The following CCDC93 variants were observed in gnomAD, a reference collection of about 807,000 sequenced individuals.
CCDC93 encodes the protein coiled-coil domain-containing protein 93.
A neutral mutation model predicts 108.2 loss-of-function variants in CCDC93; 61 were observed. The observed-to-expected ratio is 0.56, with a 90% CI of 0.46 to 0.70. CCDC93 has a LOEUF of 0.70. CCDC93 is among the 30% of genes least tolerant of loss of function. CCDC93 has a pLI of 0.00. For missense variants in CCDC93, 685 were observed against 764.2 expected, an observed-to-expected ratio of 0.90 and a Z score of 1.22; for synonymous variants, 276 against 260.4, an observed-to-expected ratio of 1.06 and a Z score of -0.58.
At chr2:118,009,170 A>C (rs1047355718) in intron 1 of CCDC93, among the ~76,000 whole-genome samples, 20 of 152,072 alleles carry the variant, frequency 1.3e-4, no homozygotes, top group African/African-American at 4.8e-4. Context: ...CAGGAGTTCA[A>C]GACCAGCCTG....
At chr2:118,009,729 T>C (rs543260692) in intron 1 of CCDC93, among the ~76,000 whole-genome samples, 7 of 152,250 alleles carry the variant, frequency 4.6e-5, no homozygotes, top group Admixed American at 3.3e-4. Flanking sequence ...ACAACAGGCA[T>C]AGAAATGAAG....
chr2:117,969,246 T>C (rs1401821454), intron 11 of CCDC93, among the ~76,000 whole-genome samples: 2 of 152,206 alleles, frequency 1.3e-5, no homozygotes, highest in Non-Finnish European at 2.9e-5. Flanking sequence ...GAGGCTCATG[T>C]GACAAGGAAC....
intron 18 of CCDC93, 104 bp from the exon 19 acceptor site, chr2:117,941,401 G>A (rs760930336): frequency 1.2e-4 from 94 of 808,810 alleles, no homozygotes; most frequent in Middle Eastern, 2.3e-4. Flanking sequence ...GCCCAACCAT[G>A]CGCCCTACAA....
chr2:118,008,790 T>A, intron 1 of CCDC93, 132 bp from the exon 2 acceptor site: 1 of 628,974 alleles, frequency 1.6e-6, no homozygotes, highest in Non-Finnish European at 2.8e-6. Flanking sequence ...ATAGATTCTC[T>A]GAAAATTCAG....
In CCDC93 at chr2:117,916,691, A is replaced by C. The variant is rs1441967629; in HGVS notation, c.*3652T>G. The C allele has an allele frequency of 6.6e-6, 1 of 152,258 alleles. No homozygotes were observed. The highest frequency in any genetic ancestry group is 2.4e-5 in the African/African-American group (1 of 41,476). The allele number at this position is 152,258 out of a possible 1,614,324, so 9.4% of individuals were successfully genotyped here. On this transcript the variant is annotated 3_prime_UTR_variant, in exon 24 of 24. Coordinates refer to ENST00000376300, the MANE Select transcript of CCDC93 (RefSeq NM_019044.5). Reference sequence around the variant, plus strand: ...GGGACGGATGTAAGGCTGGCGTGGAACATCCACGGTATTCCCTGTGTTGTC... The same window carrying C: ...GGGACGGATGTAAGGCTGGCGTGGACCATCCACGGTATTCCCTGTGTTGTC...
In CCDC93 at chr2:117,925,910, C is replaced by T. The variant is rs143301298; in HGVS notation, c.1842+5127G>A. ...AAATGTAAAACAACAGAAATTATAA[C>T]AAACTGTCTCTCAGACCACAGTGCA... On this transcript the variant is annotated intron_variant, in intron 23 of 23. Coordinates refer to ENST00000376300, the MANE Select transcript of CCDC93 (RefSeq NM_019044.5). 8.9e-3 allele frequency among the ~76,000 whole-genome samples: 1,358 copies of T among 152,286 alleles called. 11 individuals are homozygous for T. The highest frequency in any genetic ancestry group is 0.015 in the Non-Finnish European group (1,035 of 68,022).
intron 7 of CCDC93, among the ~76,000 whole-genome samples, chr2:117,979,085 CT>C (rs1283579223): frequency 6.6e-6 from 1 of 152,176 alleles, no homozygotes; most frequent in Non-Finnish European, 1.5e-5. Flanking sequence ...CTCACCTGGT[CT>C]TGGTCCTCCA....
chr2:117,966,454 G>A (rs577443275), intron 11 of CCDC93, among the ~76,000 whole-genome samples: 1 of 152,338 alleles, frequency 6.6e-6, no homozygotes, highest in Admixed American at 6.5e-5. Context: ...AGTTCTGAGA[G>A]CTGATAAAGG....
chr2:117,944,547 A>G (rs75297140), intron 17 of CCDC93, among the ~76,000 whole-genome samples: 11,112 of 151,824 alleles, frequency 0.073, 534 homozygotes, highest in Admixed American at 0.11. Context: ...GTTCTTTTGG[A>G]CAGCATTGAT....
chr2:117,971,081 G>A (rs915858079), intron 11 of CCDC93, among the ~76,000 whole-genome samples: 4 of 152,280 alleles, frequency 2.6e-5, no homozygotes, highest in Non-Finnish European at 4.4e-5. Flanking sequence ...AAATGGGAAC[G>A]GCCAGCCACA....
chr2:117,970,562 A>G (rs904465718), intron 11 of CCDC93, among the ~76,000 whole-genome samples: 1 of 152,264 alleles, frequency 6.6e-6, no homozygotes, highest in African/African-American at 2.4e-5. Flanking sequence ...CACAGTGACA[A>G]TATATTTAAA....
At chr2:118,002,994 C>T (rs150897545) in intron 3 of CCDC93, among the ~76,000 whole-genome samples, 4 of 152,336 alleles carry the variant, frequency 2.6e-5, no homozygotes, top group Non-Finnish European at 4.4e-5. Flanking sequence ...GCTAAGATCA[C>T]GCCACAGCAC....
intron 7 of CCDC93, among the ~76,000 whole-genome samples, chr2:117,985,035 C>A (rs1680270324): frequency 6.6e-6 from 1 of 151,828 alleles, no homozygotes; most frequent in African/African-American, 2.4e-5. Flanking sequence ...TTCACAGCAG[C>A]AACTAGTGAA....
intron 7 of CCDC93, among the ~76,000 whole-genome samples, chr2:117,980,423 G>A (rs573534196): frequency 6.6e-6 from 1 of 152,136 alleles, no homozygotes; most frequent in African/African-American, 2.4e-5. Context: ...CTTTATCTAA[G>A]GCCCAGGGAC....
At chr2:117,963,689 G>A (rs1242809907) in intron 11 of CCDC93, among the ~76,000 whole-genome samples, 1 of 152,190 alleles carries the variant, frequency 6.6e-6, no homozygotes, top group Non-Finnish European at 1.5e-5. Context: ...CATTTAGGAG[G>A]TGTGAACAAA....
chr2:117,970,133 C>G (rs147402913), intron 11 of CCDC93, among the ~76,000 whole-genome samples: 27 of 152,212 alleles, frequency 1.8e-4, no homozygotes, highest in African/African-American at 5.5e-4. Flanking sequence ...AACAAAAACA[C>G]CATGCATGAC....
At chr2:117,956,623 AG>A (rs1679225008) in intron 12 of CCDC93, among the ~76,000 whole-genome samples, 1 of 152,216 alleles carries the variant, frequency 6.6e-6, no homozygotes, top group South Asian at 2.1e-4. Flanking sequence ...GGTCAGGAGT[AG>A]GGATGATACT....
At chr2:118,004,072 T>A (rs902482659) in intron 3 of CCDC93, among the ~76,000 whole-genome samples, 3 of 152,184 alleles carry the variant, frequency 2.0e-5, no homozygotes, top group Admixed American at 1.3e-4. Flanking sequence ...TGCAAACAGC[T>A]TGAAAGACAG....
At chr2:117,926,580 A>G (rs1463381097) in intron 23 of CCDC93, among the ~76,000 whole-genome samples, 3 of 152,228 alleles carry the variant, frequency 2.0e-5, no homozygotes, top group African/African-American at 2.4e-5. Context: ...AAGAAGTTGA[A>G]TTTCTGAATA....
Sources: allele counts gnomAD v4.1 joint callset (sites outside exome capture counted in the v4.1 genomes callset), GRCh38; gene constraint gnomAD v4.1.1; transcripts MANE v1.5; gene names NCBI Gene and HGNC (gene_info 2026-07-23, HGNC 2026-07-21).